ANKFY1: variants seen among roughly 807,000 people sequenced by gnomAD.
The protein encoded by ANKFY1 is ankyrin repeat and FYVE domain containing 1, also known as ankyrin repeat and FYVE domain-containing protein 1.
A neutral mutation model predicts 128.3 loss-of-function variants in ANKFY1; 47 were observed. The observed-to-expected ratio is 0.37, with a 90% CI of 0.29 to 0.47. The LOEUF is 0.47. Ranked by LOEUF, ANKFY1 falls within the 20% of genes least tolerant of loss-of-function variation. The pLI, the probability that ANKFY1 is intolerant of heterozygous loss-of-function variation, is 1.00. For synonymous variants in ANKFY1, 553 were observed against 601.6 expected, an observed-to-expected ratio of 0.92 and a Z score of 1.18; for missense variants, 1,222 against 1,510.6, an observed-to-expected ratio of 0.81 and a Z score of 3.17.
chr17:4,241,535 A>G (rs1967225140), intron 2 of ANKFY1, among the ~76,000 whole-genome samples: 1 of 151,376 alleles, frequency 6.6e-6, no homozygotes, highest in Non-Finnish European at 1.5e-5. Flanking sequence ...CGGCCTCCCA[A>G]AGTGCTGGGA....
At chr17:4,185,096 C>A (rs765192658) in intron 11 of ANKFY1, 50 bp from the exon 12 acceptor site, 1 of 1,546,168 alleles carries the variant, frequency 6.5e-7, no homozygotes, top group Non-Finnish European at 8.8e-7. Flanking sequence ...GAATTCCCTT[C>A]ACAAAGAGCG....
chr17:4,189,606 A>C, intron 10 of ANKFY1, 127 bp from the exon 11 acceptor site: 1 of 796,982 alleles, frequency 1.3e-6, no homozygotes, highest in African/African-American at 1.7e-5. Flanking sequence ...CCCACACCAG[A>C]CAGTAGGCCC....
intron 3 of ANKFY1, chr17:4,223,585 G>A: frequency 7.9e-7 from 1 of 1,262,716 alleles, no homozygotes; most frequent in Admixed American, 1.7e-5. Context: ...TGATGTGTGG[G>A]GCCTTTGGAG....
chr17:4,172,814 T>C (rs577310324), intron 21 of ANKFY1, 134 bp from the exon 22 acceptor site: 1 of 1,295,878 alleles, frequency 7.7e-7, no homozygotes, highest in East Asian at 2.4e-5. Context: ...GTTTTTCTTT[T>C]TCTTATTTTG....
At position 4,167,768 on chromosome 17, in the gene ANKFY1, C is replaced by A; in HGVS notation, c.*11G>T. The A allele has an allele frequency of 1.9e-6, 3 of 1,611,080 alleles. No individual in the cohort carries two copies. The highest frequency in any genetic ancestry group is 2.5e-6 in the Non-Finnish European group (3 of 1,178,218). ...GACCAAGGACGTGGCCTGGACCCTC[C>A]GGGGGGCTCACTAAGAAACCCCACC... On this transcript the variant is annotated 3_prime_UTR_variant, in exon 25 of 25. Transcript: ENST00000341657. This position sits in a 1 kb window ranked among gnomAD's most constrained non-coding sequence, Gnocchi z 4.1.
chr17:4,240,394 A>C (rs1013177079), intron 2 of ANKFY1, among the ~76,000 whole-genome samples: 1 of 114,628 alleles, frequency 8.7e-6, no homozygotes, highest in African/African-American at 3.2e-5. Flanking sequence ...TTATTTATTT[A>C]TTTATTTATT....
At chr17:4,173,069 G>A (rs1172276946) in intron 21 of ANKFY1, among the ~76,000 whole-genome samples, 2 of 152,232 alleles carry the variant, frequency 1.3e-5, no homozygotes, top group South Asian at 2.1e-4. Context: ...AGTTAGTCAG[G>A]ACGGTCTCGA....
intron 11 of ANKFY1, among the ~76,000 whole-genome samples, chr17:4,185,745 T>C (rs574164359): frequency 6.6e-6 from 1 of 152,320 alleles, no homozygotes; most frequent in African/African-American, 2.4e-5. Flanking sequence ...TAATTCTTTT[T>C]TTTCTAATTA....
intron 1 of ANKFY1, among the ~76,000 whole-genome samples, chr17:4,246,779 C>T (rs1258914744): frequency 6.6e-6 from 1 of 152,162 alleles, no homozygotes; most frequent in African/African-American, 2.4e-5. Flanking sequence ...ATGCATTAAG[C>T]ATTTTGGCAG....
Position 4,167,982 on chromosome 17 carries a change from A to G in ANKFY1, c.3378-71T>C. On this transcript the variant is annotated intron_variant, in intron 24 of 24. Coordinates refer to ENST00000341657, the MANE Select transcript of ANKFY1 (RefSeq NM_001330063.2). The surrounding 1 kb of genome is among the most constrained non-coding windows in gnomAD (Gnocchi z 4.1). ...ACTCTGCTTCCTGGCACGTGAGGAC[A>G]ACCGCAGCAGGGCCTGGCAGCCAAG... 6.5e-7 allele frequency: 1 copy of G among 1,547,004 alleles called. No individual in the cohort carries two copies. The highest frequency in any genetic ancestry group is 1.4e-5 in the African/African-American group (1 of 73,420).
chr17:4,203,705 C>T (rs989315212), intron 7 of ANKFY1, among the ~76,000 whole-genome samples: 2 of 151,448 alleles, frequency 1.3e-5, no homozygotes, highest in Non-Finnish European at 2.9e-5. Context: ...ATCCCAGCTA[C>T]TCAGGAGGCT....
At chr17:4,259,665 C>A (rs1289999794) in intron 1 of ANKFY1, among the ~76,000 whole-genome samples, 1 of 152,178 alleles carries the variant, frequency 6.6e-6, no homozygotes, top group Non-Finnish European at 1.5e-5. Flanking sequence ...TTAGGTTATG[C>A]AGAGTATAAT....
rs147935834 is a variant in ANKFY1 at position 4,259,301 on chromosome 17, T to C, written c.10+4631A>G. On this transcript the variant is annotated intron_variant, in intron 1 of 24. Coordinates refer to ENST00000341657, the MANE Select transcript of ANKFY1 (RefSeq NM_001330063.2). ...TACATTTTATTTTATTATTATTATT[T>C]TTTGAGACAGTCTCTGTTGCTCAGG... 1.4e-3 allele frequency among the ~76,000 whole-genome samples: 220 copies of C among 152,302 alleles called. 1 individual carries two copies. Among genetic ancestry groups the C allele is most frequent in the African/African-American group, 5.0e-3 (206 of 41,566 alleles).
In ANKFY1 at chr17:4,184,873, G is replaced by A; in HGVS notation, c.1644C>T (p.His548=). 3 of 1,614,014 alleles carry A rather than the reference G, an allele frequency of 1.9e-6. No homozygotes were observed. In the South Asian group the frequency reaches 3.3e-5, roughly 18 times the overall value. Residue 548 remains histidine (H), a synonymous_variant, in exon 12 of 25, where the codon CAC becomes CAT. Transcript: ENST00000341657. ...ADSVHLQTPL[H]MAIAYNHPDV... The stretch of plus-strand genomic sequence containing the variant: ...CCGGATGGTTATAGGCGATCGCCAT[G>A]TGCAGTGGCGTCTGCAGATGGACGC...
At chr17:4,173,081 C>A (rs1407161416) in intron 21 of ANKFY1, among the ~76,000 whole-genome samples, 3 of 152,250 alleles carry the variant, frequency 2.0e-5, no homozygotes, top group African/African-American at 4.8e-5. Flanking sequence ...CGGTCTCGAT[C>A]TCCTGACCTC....
intron 4 of ANKFY1, 80 bp downstream of exon 4, chr17:4,216,903 A>G (rs767551413): frequency 1.3e-6 from 2 of 1,586,286 alleles, no homozygotes; most frequent in Non-Finnish European, 1.7e-6. Context: ...TAGCAGAAGA[A>G]GCTGTTTTCC....
intron 11 of ANKFY1, chr17:4,187,245 C>T (rs1350681452): frequency 7.5e-6 from 3 of 399,188 alleles, no homozygotes; most frequent in Non-Finnish European, 1.3e-5. Flanking sequence ...CTGGGAGCCT[C>T]AAGCATGCGT....
intron 10 of ANKFY1, 27 bp from the exon 11 acceptor site, chr17:4,189,506 C>G: frequency 3.9e-6 from 6 of 1,537,908 alleles, no homozygotes; most frequent in South Asian, 1.2e-5. Flanking sequence ...ATTGCTGATT[C>G]TTCTGTTTGC....
intron 24 of ANKFY1, chr17:4,168,207 C>A (rs2059246572): frequency 5.0e-6 from 1 of 201,482 alleles, no homozygotes; most frequent in Non-Finnish European, 1.0e-5. Context: ...AATCCCAGCA[C>A]TTTGGAAGGC....
Sources: gnomAD v4.1 joint callset for allele counts (sites outside exome capture counted in the v4.1 genomes callset) on GRCh38, gnomAD v4.1.1 for gene constraint, Gnocchi (gnomAD v3.1) non-coding constraint, MANE v1.5 for transcripts, NCBI Gene and HGNC (gene_info 2026-07-23, HGNC 2026-07-21) for gene names.